Variants in OXT observed in about 807,000 individuals in gnomAD.
OXT encodes oxytocin/neurophysin I prepropeptide, also known as oxytocin-neurophysin 1 proprotein.
OXT carries 9 observed loss-of-function variants against 11.2 expected under a neutral mutation model. The observed-to-expected ratio is 0.80, with a 90% CI of 0.49 to 1.40. The LOEUF is 1.40. Among genes scored for constraint, OXT ranks in the 40% most tolerant of loss-of-function variants. The pLI, the probability that OXT is intolerant of heterozygous loss-of-function variation, is 0.00. For synonymous variants in OXT, 76 were observed against 80.9 expected, an observed-to-expected ratio of 0.94 and a Z score of 0.33; for missense variants, 175 against 178.7, an observed-to-expected ratio of 0.98 and a Z score of 0.12.
rs1287952769 is a variant in OXT, at chr20:3,071,919, C to G, written c.120+144C>G. ...CGCCCTTGACCGCGGTCGAGGCCCC[C>G]ACGGCGCCCCAGCGCGTCTCAGCCC... On this transcript the variant is annotated intron_variant, in intron 1 of 2. Coordinates refer to ENST00000217386, the MANE Select transcript of OXT (RefSeq NM_000915.4). The surrounding 1 kb of genome is among the most constrained non-coding windows in gnomAD (Gnocchi z 4.8). 1.3e-5 allele frequency: 17 copies of G among 1,351,068 alleles called. No homozygotes were observed. The highest frequency in any genetic ancestry group is 1.6e-5 in the Non-Finnish European group (17 of 1,035,014). 83.7% of individuals were successfully genotyped at this position (1,351,068 alleles called of 1,614,324 possible).
In OXT at chr20:3,072,185, G is replaced by A; in HGVS notation, c.229G>A (p.Glu77Lys). ...CACCGCCGAAGCGCTGCGCTGCCAGGAGGAGAACTACCTGCCGTCGCCCTG... is the reference window on the plus strand; with the variant it reads ...CACCGCCGAAGCGCTGCGCTGCCAGAAGGAGAACTACCTGCCGTCGCCCTG... ...VGTAEALRCQ[E>K]ENYLPSPCQS... Residue 77 changes from glutamate (E) to lysine (K), a missense_variant, in exon 2 of 3, where the codon GAG (glutamate) becomes AAG (lysine). Physicochemically the swap from Glu to Lys is moderately conservative, Grantham distance 56 (BLOSUM62 1). Transcript: ENST00000217386. 6.3e-7 allele frequency: 1 copy of A among 1,596,662 alleles called. No homozygotes were observed. The highest frequency in any genetic ancestry group is 8.5e-7 in the Non-Finnish European group (1 of 1,177,714).
Position 3,072,250 on chromosome 20 carries a change from C to A in OXT, c.294C>A (p.Cys98Ter). Residue 98 changes from cysteine to a stop codon, truncating the protein, a stop_gained, in exon 2 of 3, where the codon TGC (cysteine) becomes TGA (stop). Transcript: ENST00000217386. LOFTEE classifies it high-confidence loss of function. Reference protein sequence around the residue: ...GQKACGSGGRCAVLGLCCSPD... With the variant: ...GQKACGSGGR ...AGGCGTGCGGGAGCGGGGGCCGCTG[C>A]GCGGTCTTGGGCCTCTGCTGCAGCC... 1.3e-6 allele frequency: 2 copies of A among 1,594,406 alleles called. No individual in the cohort carries two copies. Among genetic ancestry groups the A allele is most frequent in the Non-Finnish European group, 1.7e-6 (2 of 1,176,874 alleles).
chr20:3,071,985 C>T lies in OXT; in HGVS notation c.121-92C>T. The T allele has an allele frequency of 7.2e-7, 1 of 1,380,744 alleles. No homozygotes were observed. Among genetic ancestry groups the T allele is most frequent in the Non-Finnish European group, 9.4e-7 (1 of 1,068,610 alleles). The allele number at this position is 1,380,744 out of a possible 1,614,324, so 85.5% of individuals were successfully genotyped here. A position where few individuals can be genotyped will look rare whatever the true frequency, so the allele number is the denominator to read the frequency against. ...ACTCCGAACCCCGGACCCCAGCATC[C>T]TTGCCCGGCGCACCCCGGCCGGCCT... On this transcript the variant is annotated intron_variant, in intron 1 of 2. Transcript: ENST00000217386. The surrounding 1 kb of genome is among the most constrained non-coding windows in gnomAD (Gnocchi z 4.8).
At position 3,071,817 on chromosome 20, in the gene OXT, G is replaced by T; in HGVS notation, c.120+42G>T. ...GGTCCCGCGGCGCTCCGGGGAGGGA[G>T]GGACCCGCAGCCACAGGGGCGCGCC... On this transcript the variant is annotated intron_variant, in intron 1 of 2. Transcript: ENST00000217386. This position sits in a 1 kb window ranked among gnomAD's most constrained non-coding sequence, Gnocchi z 4.8. 1 of 1,533,924 alleles carries T rather than the reference G, an allele frequency of 6.5e-7. No homozygotes were observed. Among genetic ancestry groups the T allele is most frequent in the East Asian group, 2.4e-5 (1 of 40,950 alleles).
chr20:3,071,932 C>A lies in OXT; in HGVS notation c.121-145C>A. ...GGTCGAGGCCCCCACGGCGCCCCAG[C>A]GCGTCTCAGCCCCGCTGTCCCGCCC... On this transcript the variant is annotated intron_variant, in intron 1 of 2. Coordinates refer to ENST00000217386, the MANE Select transcript of OXT (RefSeq NM_000915.4). The surrounding 1 kb of genome is among the most constrained non-coding windows in gnomAD (Gnocchi z 4.8). The A allele has an allele frequency of 2.2e-6, 3 of 1,343,814 alleles. No individual in the cohort carries two copies. The highest frequency in any genetic ancestry group is 5.6e-5 in the East Asian group (2 of 36,016). The allele number at this position is 1,343,814 out of a possible 1,614,324, so 83.2% of individuals were successfully genotyped here.
In OXT at chr20:3,072,424, G is replaced by C. The variant is rs987728154; in HGVS notation, c.*6G>C. ...CCACCTTCTCCCAGCGCTGAAACTT[G>C]ATGGCTCCGAACACCCTCGAAGCGC... On this transcript the variant is annotated 3_prime_UTR_variant, in exon 3 of 3. Coordinates refer to ENST00000217386, the MANE Select transcript of OXT (RefSeq NM_000915.4). 3 of 1,612,934 alleles carry C rather than the reference G, an allele frequency of 1.9e-6. No homozygotes were observed. Among genetic ancestry groups the C allele is most frequent in the Middle Eastern group, 1.6e-4 (1 of 6,062 alleles).
chr20:3,071,903 C>A lies in OXT; in HGVS notation c.120+128C>A, dbSNP rs112595729. 2.9e-6 allele frequency: 4 copies of A among 1,384,480 alleles called. No homozygotes were observed. The East Asian group carries it at 8.1e-5, about 28-fold the overall frequency. The allele number at this position is 1,384,480 out of a possible 1,614,324, so 85.8% of individuals were successfully genotyped here. On this transcript the variant is annotated intron_variant, in intron 1 of 2. Coordinates refer to ENST00000217386, the MANE Select transcript of OXT (RefSeq NM_000915.4). This position sits in a 1 kb window ranked among gnomAD's most constrained non-coding sequence, Gnocchi z 4.8. ...GCGGATTTTGACGCCCCGCCCTTGA[C>A]CGCGGTCGAGGCCCCCACGGCGCCC...
Position 3,071,702 on chromosome 20 carries a change from T to C in OXT, c.47T>C (p.Leu16Pro). ...TGCTGTCTGCTCGGCCTCCTGGCGC[T>C]GACCTCCGCCTGCTACATCCAGAAC... The part of the protein sequence containing the change: ...LACCLLGLLA[L>P]TSACYIQNCP... Residue 16 changes from leucine to proline, a missense_variant, in exon 1 of 3, where the codon CTG (leucine) becomes CCG (proline). Coordinates refer to ENST00000217386, the MANE Select transcript of OXT (RefSeq NM_000915.4). This position sits in a 1 kb window ranked among gnomAD's most constrained non-coding sequence, Gnocchi z 4.8. 2 of 1,592,874 alleles carry C rather than the reference T, an allele frequency of 1.3e-6. No homozygotes were observed. Among genetic ancestry groups the C allele is most frequent in the Non-Finnish European group, 8.5e-7 (1 of 1,173,686 alleles).
chr20:3,071,621 C>G lies in OXT; in HGVS notation c.-35C>G, dbSNP rs1275793850. 6.3e-7 allele frequency: 1 copy of G among 1,598,180 alleles called. No homozygotes were observed. The highest frequency in any genetic ancestry group is 1.1e-5 in the South Asian group (1 of 89,952). On this transcript the variant is annotated 5_prime_UTR_variant, in exon 1 of 3. Transcript: ENST00000217386. This position sits in a 1 kb window ranked among gnomAD's most constrained non-coding sequence, Gnocchi z 4.8. Reference sequence around the variant, plus strand: ...AAAGGCCAGGCCGGAGAGACCGCCACCAGTCACGGACCCTGGACCCAGCGC... The same window carrying G: ...AAAGGCCAGGCCGGAGAGACCGCCAGCAGTCACGGACCCTGGACCCAGCGC...
chr20:3,071,650 C>CGCACCATGGCCG lies in OXT; in HGVS notation c.-3_9dup, dbSNP rs1840123531. On this transcript the variant is annotated 5_prime_UTR_variant, in exon 1 of 3. The change creates a new upstream start codon in the 5' untranslated region. Transcript: ENST00000217386. The surrounding 1 kb of genome is among the most constrained non-coding windows in gnomAD (Gnocchi z 4.8). The stretch of plus-strand genomic sequence containing the variant: ...TCACGGACCCTGGACCCAGCGCACC[C>CGCACCATGGCCG]GCACCATGGCCGGCCCCAGCCTCGC... 7 of 1,602,664 alleles carry CGCACCATGGCCG rather than the reference C, an allele frequency of 4.4e-6. No homozygotes were observed. The highest frequency in any genetic ancestry group is 5.9e-6 in the Non-Finnish European group (7 of 1,178,510).
rs1946408407 is a variant in OXT, at chr20:3,071,819, G to GAA, written c.120+45_120+46insAA. ...TCCCGCGGCGCTCCGGGGAGGGAGGGACCCGCAGCCACAGGGGCGCGCCCC... is the reference window on the plus strand; with the variant it reads ...TCCCGCGGCGCTCCGGGGAGGGAGGGAAACCCGCAGCCACAGGGGCGCGCCCC... On this transcript the variant is annotated intron_variant, in intron 1 of 2. Transcript: ENST00000217386. This position sits in a 1 kb window ranked among gnomAD's most constrained non-coding sequence, Gnocchi z 4.8. The GAA allele has an allele frequency of 6.5e-7, 1 of 1,532,616 alleles. No individual in the cohort carries two copies. Among genetic ancestry groups the GAA allele is most frequent in the African/African-American group, 1.4e-5 (1 of 72,572 alleles). The allele number at this position is 1,532,616 out of a possible 1,614,324, so 94.9% of individuals were successfully genotyped here.
chr20:3,072,238 C>G lies in OXT; in HGVS notation c.282C>G (p.Ser94Arg). The change falls in exon 2 of 3, where the codon AGC becomes AGG. Residue 94 changes from serine to arginine, a missense_variant. Coordinates refer to ENST00000217386, the MANE Select transcript of OXT (RefSeq NM_000915.4). Reference sequence around the variant, plus strand: ...AGTCCGGCCAGAAGGCGTGCGGGAGCGGGGGCCGCTGCGCGGTCTTGGGCC... The same window carrying G: ...AGTCCGGCCAGAAGGCGTGCGGGAGGGGGGGCCGCTGCGCGGTCTTGGGCC... ...PCQSGQKACG[S>R]GGRCAVLGLC... 6.3e-7 allele frequency: 1 copy of G among 1,594,648 alleles called. No individual in the cohort carries two copies. The highest frequency in any genetic ancestry group is 1.1e-5 in the South Asian group (1 of 90,366).
Position 3,072,164 on chromosome 20 carries a change from G to A in OXT, c.208G>A (p.Ala70Thr), listed in dbSNP as rs1446881907. 5 of 1,593,888 alleles carry A rather than the reference G, an allele frequency of 3.1e-6. No homozygotes were observed. The South Asian group carries it at 4.5e-5, about 14-fold the overall frequency. Residue 70 changes from alanine to threonine, a missense_variant, in exon 2 of 3, where the codon GCC becomes ACC. Coordinates refer to ENST00000217386, the MANE Select transcript of OXT (RefSeq NM_000915.4). Reference sequence around the variant, plus strand: ...AGAGCTGGGCTGCTTCGTGGGCACCGCCGAAGCGCTGCGCTGCCAGGAGGA... The same window carrying A: ...AGAGCTGGGCTGCTTCGTGGGCACCACCGAAGCGCTGCGCTGCCAGGAGGA... The part of the protein sequence containing the change: ...AEELGCFVGT[A>T]EALRCQEENY...
rs1014532820 is a variant in OXT at position 3,071,738 on chromosome 20, G to A, written c.83G>A (p.Gly28Glu). 1.3e-6 allele frequency: 2 copies of A among 1,586,312 alleles called. No individual in the cohort carries two copies. The highest frequency in any genetic ancestry group is 1.7e-5 in the Admixed American group (1 of 57,512). Residue 28 changes from glycine (G) to glutamate (E), a missense_variant, in exon 1 of 3, where the codon GGA (glycine) becomes GAA (glutamate). Physicochemically the swap from Gly to Glu is moderately conservative, Grantham distance 98. Transcript: ENST00000217386. The surrounding 1 kb of genome is among the most constrained non-coding windows in gnomAD (Gnocchi z 4.8). ...SACYIQNCPL[G>E]GKRAAPDLDV... ...TGCTACATCCAGAACTGCCCCCTGG[G>A]AGGCAAGAGGGCCGCGCCGGACCTC...
At position 3,072,510 on chromosome 20, in the gene OXT, C is replaced by G. The variant is rs918820489; in HGVS notation, c.*92C>G. On this transcript the variant is annotated 3_prime_UTR_variant, in exon 3 of 3. Transcript: ENST00000217386. The stretch of plus-strand genomic sequence containing the variant: ...TGAAAATAAAATAAAGCAGGTTTTT[C>G]TCCTCTACCTTGACTCGTGTCTAAG... 5 of 1,374,148 alleles carry G rather than the reference C, an allele frequency of 3.6e-6. No homozygotes were observed. The African/African-American group carries it at 7.1e-5, about 20-fold the overall frequency. 85.1% of individuals were successfully genotyped at this position (1,374,148 alleles called of 1,614,324 possible).
chr20:3,072,218 G>A lies in OXT; in HGVS notation c.262G>A (p.Gly88Ser), dbSNP rs777434163. 3.4e-5 allele frequency: 54 copies of A among 1,596,566 alleles called. No homozygotes were observed. The highest frequency in any genetic ancestry group is 1.2e-4 in the Admixed American group (7 of 59,710). ...ENYLPSPCQS[G>S]QKACGSGGRC... Reference sequence around the variant, plus strand: ...CTACCTGCCGTCGCCCTGCCAGTCCGGCCAGAAGGCGTGCGGGAGCGGGGG... The same window carrying A: ...CTACCTGCCGTCGCCCTGCCAGTCCAGCCAGAAGGCGTGCGGGAGCGGGGG... The change falls in exon 2 of 3, where the codon GGC becomes AGC. Residue 88 changes from glycine to serine, a missense_variant. Coordinates refer to ENST00000217386, the MANE Select transcript of OXT (RefSeq NM_000915.4).
Position 3,071,655 on chromosome 20 carries a change from C to G in OXT, c.-1C>G, listed in dbSNP as rs139297313. 8.7e-4 allele frequency: 1,388 copies of G among 1,602,534 alleles called. 1 individual carries two copies. Among genetic ancestry groups the G allele is most frequent in the Non-Finnish European group, 1.1e-3 (1,295 of 1,178,372 alleles). ...GACCCTGGACCCAGCGCACCCGCAC[C>G]ATGGCCGGCCCCAGCCTCGCTTGCT... is the stretch of plus-strand genomic sequence containing the variant. On this transcript the variant is annotated 5_prime_UTR_variant, in exon 1 of 3. Transcript: ENST00000217386. The surrounding 1 kb of genome is among the most constrained non-coding windows in gnomAD (Gnocchi z 4.8).
At position 3,071,943 on chromosome 20, in the gene OXT, C is replaced by A. The variant is rs1430698131; in HGVS notation, c.121-134C>A. 1.5e-6 allele frequency: 2 copies of A among 1,348,236 alleles called. No individual in the cohort carries two copies. The highest frequency in any genetic ancestry group is 1.9e-6 in the Non-Finnish European group (2 of 1,036,584). 83.5% of individuals were successfully genotyped at this position (1,348,236 alleles called of 1,614,324 possible). ...CCACGGCGCCCCAGCGCGTCTCAGC[C>A]CCGCTGTCCCGCCCGAACTCCGAAC... On this transcript the variant is annotated intron_variant, in intron 1 of 2. Transcript: ENST00000217386. The surrounding 1 kb of genome is among the most constrained non-coding windows in gnomAD (Gnocchi z 4.8).
chr20:3,072,026 G>A (rs1255178171), intron 1 of OXT, 51 bp from the exon 2 acceptor site: 5 of 1,455,342 alleles, frequency 3.4e-6, no homozygotes, highest in Non-Finnish European at 4.5e-6. Context: ...GGTCCTCCGA[G>A]CGAGTCCCCA....
Sources: allele counts gnomAD v4.1 joint callset, GRCh38; gene constraint gnomAD v4.1.1; non-coding constraint Gnocchi (gnomAD v3.1); transcripts MANE v1.5; gene names NCBI Gene and HGNC (gene_info 2026-07-23, HGNC 2026-07-21).